KMT2C: variants seen among roughly 807,000 people sequenced by gnomAD.
KMT2C encodes lysine methyltransferase 2C, also known as histone-lysine N-methyltransferase 2C.
In KMT2C, 88 loss-of-function variants were observed where a neutral mutation model predicts 507.9. The ratio of observed to expected loss-of-function variants is 0.17; its 90% CI spans 0.15 to 0.21. The LOEUF (loss-of-function observed/expected upper bound fraction) is 0.21. Ranked by LOEUF, KMT2C falls within the 10% of genes least tolerant of loss-of-function variation. KMT2C has a pLI of 1.00. For synonymous variants in KMT2C, 2,049 were observed against 2,080.8 expected (o/e 0.98, Z 0.42); for missense variants, 4,954 against 5,957.8 (o/e 0.83, Z 5.55).
At chr7:152,309,572 T>C (rs1211161595) in intron 6 of KMT2C, among the ~76,000 whole-genome samples, 3 of 143,022 alleles carry the variant, frequency 2.1e-5, no homozygotes, top group African/African-American at 7.9e-5. Flanking sequence ...CAGGTTGGAG[T>C]GCAATGGCGC....
intron 6 of KMT2C, among the ~76,000 whole-genome samples, chr7:152,282,367 T>C (rs949249609): frequency 3.8e-4 from 57 of 151,828 alleles, no homozygotes; most frequent in Non-Finnish European, 2.2e-4. Context: ...ATACTCTCAG[T>C]GTCAACCAAA....
intron 6 of KMT2C, among the ~76,000 whole-genome samples, chr7:152,287,399 C>T (rs1463475290): frequency 6.6e-6 from 1 of 152,134 alleles, no homozygotes; most frequent in African/African-American, 2.4e-5. Context: ...ACTAGGTGTA[C>T]GTCTCCATCA....
chr7:152,271,102 T>C (rs1053276549), intron 7 of KMT2C, among the ~76,000 whole-genome samples: 16 of 152,196 alleles, frequency 1.1e-4, no homozygotes, highest in African/African-American at 3.9e-4. Context: ...AATTAATACA[T>C]ACAAGGCACA....
intron 41 of KMT2C, among the ~76,000 whole-genome samples, chr7:152,168,318 A>G (rs2092822513): frequency 6.6e-6 from 1 of 152,250 alleles, no homozygotes; most frequent in Non-Finnish European, 1.5e-5. Context: ...CAATGGGCAC[A>G]ATAAAGCCAG....
rs937135373 is a variant in KMT2C, at chr7:152,311,671, T to C, written c.739+127A>G. ...CCTAACCAGGCATATTTAATAATGA[T>C]TTTTTTATAGTATGATTATAATTAT... On this transcript the variant is annotated intron_variant, in intron 5 of 58. Coordinates refer to ENST00000262189, the MANE Select transcript of KMT2C (RefSeq NM_170606.3). The C allele has an allele frequency of 7.0e-6, 5 of 709,382 alleles. No homozygotes were observed. In the Admixed American group the frequency reaches 9.9e-5, roughly 14 times the overall value. The allele number at this position is 709,382 out of a possible 1,614,324, so 43.9% of individuals were successfully genotyped here. A position where few individuals can be genotyped will look rare whatever the true frequency, so the allele number is the denominator to read the frequency against.
At chr7:152,318,713 T>C (rs2096745069) in intron 3 of KMT2C, among the ~76,000 whole-genome samples, 1 of 148,946 alleles carries the variant, frequency 6.7e-6, no homozygotes. Flanking sequence ...AAAATGTTGA[T>C]GGGAAAAGAG....
intron 6 of KMT2C, among the ~76,000 whole-genome samples, chr7:152,302,965 T>TA (rs746902774): frequency 6.6e-6 from 1 of 152,006 alleles, no homozygotes; most frequent in Non-Finnish European, 1.5e-5. Flanking sequence ...TTTAGATAAA[T>TA]AAAATGATTA....
intron 25 of KMT2C, among the ~76,000 whole-genome samples, chr7:152,204,682 C>T (rs1199808643): frequency 6.6e-6 from 1 of 152,012 alleles, no homozygotes; most frequent in Non-Finnish European, 1.5e-5. Context: ...TGCACTGTCA[C>T]TTGAGAATTT....
At chr7:152,240,303 C>T (rs2095358971) in intron 14 of KMT2C, among the ~76,000 whole-genome samples, 1 of 152,238 alleles carries the variant, frequency 6.6e-6, no homozygotes, top group South Asian at 2.1e-4. Context: ...TCTCATTTTA[C>T]TCATGCTCCT....
At chr7:152,308,167 C>T (rs1375115294) in intron 6 of KMT2C, among the ~76,000 whole-genome samples, 1 of 152,116 alleles carries the variant, frequency 6.6e-6, no homozygotes, top group Admixed American at 6.6e-5. Flanking sequence ...GTGATGCTTA[C>T]TCATCTATGT....
rs2093890725 is a variant in KMT2C, at chr7:152,194,042, G to A, written c.4627C>T (p.Pro1543Ser). The A allele has an allele frequency of 6.3e-7, 1 of 1,585,168 alleles. No individual in the cohort carries two copies. Among genetic ancestry groups the A allele is most frequent in the Non-Finnish European group, 8.5e-7 (1 of 1,170,706 alleles). The change falls in exon 31 of 59, where the codon CCA becomes TCA. Residue 1543 changes from proline to serine, a missense_variant. Around this residue, in one of 29 missense-constraint regions of KMT2C, gnomAD observed 195 missense variants for 183.7 expected, o/e 1.06. Transcript: ENST00000262189. ...TGTATTGGCAACAGCTGTGTTGGTGGGGGAGGCTGTGGCAATGGAGTTGGC... is the reference window on the plus strand; with the variant it reads ...TGTATTGGCAACAGCTGTGTTGGTGAGGGAGGCTGTGGCAATGGAGTTGGC... ...TQPTPLPQPP[P>S]PTQLLPIHNQ... is the part of the protein sequence containing the mutation.
At chr7:152,160,874 G>A (rs977041214) in intron 43 of KMT2C, among the ~76,000 whole-genome samples, 1 of 151,898 alleles carries the variant, frequency 6.6e-6, no homozygotes. Context: ...AACAGAAATC[G>A]CTATGTGAGA....
chr7:152,164,351 G>A (rs901747314), intron 42 of KMT2C, among the ~76,000 whole-genome samples: 9 of 149,564 alleles, frequency 6.0e-5, no homozygotes, highest in East Asian at 2.0e-4. Context: ...GTGCAGTGGC[G>A]CGATCTCGGC....
At chr7:152,232,393 T>A (rs75975531) in intron 16 of KMT2C, among the ~76,000 whole-genome samples, 1 of 149,906 alleles carries the variant, frequency 6.7e-6, no homozygotes, top group Non-Finnish European at 1.5e-5. Flanking sequence ...TCAAAAGACG[T>A]TGTTGAGTGA....
Position 152,181,016 on chromosome 7 carries a change from C to G in KMT2C, c.6844G>C (p.Gly2282Arg), listed in dbSNP as rs776830146. 5.0e-6 allele frequency: 8 copies of G among 1,614,024 alleles called. No homozygotes were observed. The highest frequency in any genetic ancestry group is 5.9e-6 in the Non-Finnish European group (7 of 1,180,040). The change falls in exon 36 of 59, where the codon GGT (glycine) becomes CGT (arginine). Residue 2282 changes from glycine to arginine, a missense_variant. Around this residue, in one of 29 missense-constraint regions of KMT2C, gnomAD observed 1,689 missense variants for 1,654.3 expected, o/e 1.02. Transcript: ENST00000262189. ...ACACGGCTAAATGTGTCTGAAAGACCAGGTCCAGGGGGCCTAGGTGTCTGG... is the reference window on the plus strand; with the variant it reads ...ACACGGCTAAATGTGTCTGAAAGACGAGGTCCAGGGGGCCTAGGTGTCTGG... ...CSQTPRPPGP[G>R]LSDTFSRVSP...
rs1563895552 is a variant in KMT2C at position 152,332,592 on chromosome 7, T to C, written c.251-1853A>G. ...TGGGTATGGTGATGCACACCTGTAA[T>C]CCCAGCACTTTGGGAGGCCAAGGTG... On this transcript the variant is annotated intron_variant, in intron 2 of 58. Transcript: ENST00000262189. Among the ~76,000 whole-genome samples the C allele has an allele frequency of 1.3e-5, 2 of 152,140 alleles. 1 individual carries two copies. The highest frequency in any genetic ancestry group is 4.1e-4 in the South Asian group (2 of 4,838).
At chr7:152,305,391 G>C (rs1049484242) in intron 6 of KMT2C, among the ~76,000 whole-genome samples, 1 of 152,204 alleles carries the variant, frequency 6.6e-6, no homozygotes, top group African/African-American at 2.4e-5. Flanking sequence ...CATGCATTAT[G>C]AAAGGCCCTG....
chr7:152,183,319 C>T (rs1296428592), intron 34 of KMT2C, among the ~76,000 whole-genome samples, 163 bp from the exon 35 acceptor site: 1 of 152,136 alleles, frequency 6.6e-6, no homozygotes, highest in Non-Finnish European at 1.5e-5. Flanking sequence ...ACTAACTCAT[C>T]TTCTCTCTTT....
intron 27 of KMT2C, 58 bp from the exon 28 acceptor site, chr7:152,196,069 T>A: frequency 9.5e-7 from 1 of 1,047,862 alleles, no homozygotes; most frequent in Non-Finnish European, 1.4e-6. Context: ...ATTAAGCCAT[T>A]TGCTAAAAAC....
Sources: allele counts gnomAD v4.1 joint callset (sites outside exome capture counted in the v4.1 genomes callset), GRCh38; gene constraint gnomAD v4.1.1; regional missense constraint gnomAD v4.1.1; transcripts MANE v1.5; gene names NCBI Gene and HGNC (gene_info 2026-07-23, HGNC 2026-07-21).